The following ADAM22 variants were observed in gnomAD, a reference collection of about 807,000 sequenced individuals.
The protein encoded by ADAM22 is disintegrin and metalloproteinase domain-containing protein 22.
In ADAM22, 65 loss-of-function variants were observed where a neutral mutation model predicts 144.6. The ratio of observed to expected loss-of-function variants is 0.45; its 90% confidence interval spans 0.37 to 0.55. The LOEUF (loss-of-function observed/expected upper bound fraction) is 0.55. Among genes scored for constraint, ADAM22 ranks in the 20% least tolerant of loss-of-function variants. The probability of loss-of-function intolerance (pLI) is 0.00; values close to 1 mark genes in which losing one functional copy is unlikely to be tolerated. For missense variants in ADAM22, 974 were observed against 1,184.9 expected (o/e 0.82, Z 2.61); for synonymous variants, 391 against 412.6 (o/e 0.95, Z 0.63).
At chr7:87,968,769 A>G (rs1228578168) in intron 2 of ADAM22, among the ~76,000 whole-genome samples, 1 of 152,214 alleles carries the variant, frequency 6.6e-6, no homozygotes, top group Non-Finnish European at 1.5e-5. Context: ...CTGTTCTTAC[A>G]CTGCTATAAC....
intron 4 of ADAM22, among the ~76,000 whole-genome samples, chr7:88,103,921 C>G (rs980028039): frequency 2.6e-5 from 4 of 151,992 alleles, no homozygotes; most frequent in Non-Finnish European, 5.9e-5. Context: ...AGTGTATATT[C>G]TAAAACATGT....
intron 3 of ADAM22, among the ~76,000 whole-genome samples, chr7:88,067,710 A>G (rs908343780): frequency 5.3e-5 from 8 of 152,162 alleles, no homozygotes; most frequent in Non-Finnish European, 8.8e-5. Flanking sequence ...CATTCATGAT[A>G]GTGGCAGGCT....
Position 88,184,929 on chromosome 7 carries a change from A to G in ADAM22, c.2664-1686A>G, listed in dbSNP as rs139518490. Among the ~76,000 whole-genome samples the G allele has an allele frequency of 4.6e-3, 702 of 152,334 alleles. 2 individuals are homozygous for G. Among genetic ancestry groups the G allele is most frequent in the Non-Finnish European group, 7.5e-3 (509 of 68,028 alleles). The stretch of plus-strand genomic sequence containing the variant: ...AGTACTTTGAGTTTCTAAGATTGTC[A>G]GTGAAAGGAACAAATGTCTCCTCCC... On this transcript the variant is annotated intron_variant, in intron 29 of 31. Coordinates refer to ENST00000413139, the MANE Select transcript of ADAM22 (RefSeq NM_001324418.2).
intron 4 of ADAM22, 143 bp downstream of exon 4, chr7:88,075,835 A>T (rs1288452693): frequency 2.8e-6 from 2 of 702,342 alleles, no homozygotes; most frequent in Non-Finnish European, 4.7e-6. Flanking sequence ...TTTATCACCC[A>T]CTTTGGAAAA....
intron 3 of ADAM22, among the ~76,000 whole-genome samples, chr7:88,000,358 G>A (rs1165769422): frequency 6.6e-6 from 1 of 152,092 alleles, no homozygotes; most frequent in Non-Finnish European, 1.5e-5. Context: ...GTTATGGCAT[G>A]AGAAACACAG....
chr7:88,146,979 A>G (rs987586559), intron 17 of ADAM22, among the ~76,000 whole-genome samples: 4 of 152,246 alleles, frequency 2.6e-5, no homozygotes, highest in Non-Finnish European at 4.4e-5. Flanking sequence ...CACTGCCGTA[A>G]CAAGACATCC....
At chr7:88,167,078 A>G (rs1843125304) in intron 24 of ADAM22, among the ~76,000 whole-genome samples, 1 of 152,166 alleles carries the variant, frequency 6.6e-6, no homozygotes, top group South Asian at 2.1e-4. Flanking sequence ...GAGGGCTCCC[A>G]GACAGAGAGA....
chr7:87,994,095 A>G (rs1352691991), intron 3 of ADAM22, among the ~76,000 whole-genome samples: 4 of 152,332 alleles, frequency 2.6e-5, no homozygotes, highest in South Asian at 2.1e-4. Context: ...CCCTCTTTTT[A>G]CAAAAATTAT....
chr7:87,947,652 A>G (rs1844030753), intron 2 of ADAM22, among the ~76,000 whole-genome samples: 1 of 152,204 alleles, frequency 6.6e-6, no homozygotes, highest in African/African-American at 2.4e-5. Flanking sequence ...ATGTTCTCTC[A>G]TAGTTAACGA....
chr7:87,973,616 C>G (rs1032133258), intron 2 of ADAM22, among the ~76,000 whole-genome samples: 1 of 152,136 alleles, frequency 6.6e-6, no homozygotes, highest in African/African-American at 2.4e-5. Context: ...ATAAATCGTG[C>G]TGCTATAAAG....
chr7:88,110,721 G>A (rs1309310446), intron 5 of ADAM22, among the ~76,000 whole-genome samples: 1 of 134,254 alleles, frequency 7.4e-6, no homozygotes, highest in Admixed American at 7.7e-5. Flanking sequence ...TCGTTCATTT[G>A]TTCGTTCGTT....
At chr7:88,004,816 T>C (rs535537212) in intron 3 of ADAM22, among the ~76,000 whole-genome samples, 4 of 152,204 alleles carry the variant, frequency 2.6e-5, no homozygotes, top group Admixed American at 2.0e-4. Context: ...AAACAATATG[T>C]ATTTTGCCTC....
At chr7:88,007,801 A>G (rs1794319333) in intron 3 of ADAM22, among the ~76,000 whole-genome samples, 3 of 152,252 alleles carry the variant, frequency 2.0e-5, no homozygotes, top group African/African-American at 7.2e-5. Context: ...AAATCCTAAA[A>G]GAAAACCTAG....
intron 4 of ADAM22, among the ~76,000 whole-genome samples, chr7:88,079,948 A>G (rs1420776854): frequency 6.6e-6 from 1 of 152,214 alleles, no homozygotes; most frequent in East Asian, 1.9e-4. Context: ...CGACACAGAA[A>G]GTTAAGAAGG....
At chr7:88,175,892 T>C (rs985014754) in intron 26 of ADAM22, among the ~76,000 whole-genome samples, 11 of 152,214 alleles carry the variant, frequency 7.2e-5, no homozygotes, top group African/African-American at 2.7e-4. Flanking sequence ...GAATTAGCTT[T>C]GTTATGATAT....
In ADAM22 at chr7:87,990,953, C is replaced by A. The variant is rs539565605; in HGVS notation, c.323+12541C>A. Among the ~76,000 whole-genome samples, 30 of 152,316 alleles carry A rather than the reference C, an allele frequency of 2.0e-4. No homozygotes were observed. In the East Asian group the frequency reaches 5.8e-3, roughly 29 times the overall value. On this transcript the variant is annotated intron_variant, in intron 3 of 31. Coordinates refer to ENST00000413139, the MANE Select transcript of ADAM22 (RefSeq NM_001324418.2). ...TGCTGGGATTGCAGACGTGAGCCAC[C>A]ACACCCAGCCTTTCTCCCTCTTTTA...
At position 88,058,060 on chromosome 7, in the gene ADAM22, G is replaced by A. The variant is rs935909285; in HGVS notation, c.324-17566G>A. Among the ~76,000 whole-genome samples the A allele has an allele frequency of 4.6e-5, 7 of 152,270 alleles. 1 individual carries two copies. Among genetic ancestry groups the A allele is most frequent in the South Asian group, 4.1e-4 (2 of 4,822 alleles). ...ATATCTTTGCTCCATTATAATGATA[G>A]TGAGGGTATAATAAACTAACAAGAA... is the stretch of plus-strand genomic sequence containing the variant. On this transcript the variant is annotated intron_variant, in intron 3 of 31. Coordinates refer to ENST00000413139, the MANE Select transcript of ADAM22 (RefSeq NM_001324418.2).
At chr7:88,144,291 T>C (rs949948722) in intron 15 of ADAM22, among the ~76,000 whole-genome samples, 1 of 152,184 alleles carries the variant, frequency 6.6e-6, no homozygotes, top group Non-Finnish European at 1.5e-5. Flanking sequence ...GAATGAATAT[T>C]AGGTATCTGG....
At chr7:87,984,720 G>A (rs1854521199) in intron 3 of ADAM22, among the ~76,000 whole-genome samples, 2 of 152,118 alleles carry the variant, frequency 1.3e-5, no homozygotes, top group South Asian at 4.2e-4. Context: ...TTGCTCTGTT[G>A]CCCAGTCTGG....
Sources: allele counts gnomAD v4.1 joint callset (sites outside exome capture counted in the v4.1 genomes callset), GRCh38; gene constraint gnomAD v4.1.1; transcripts MANE v1.5; gene names NCBI Gene and HGNC (gene_info 2026-07-23, HGNC 2026-07-21).